RAD54B: variants seen among roughly 807,000 people sequenced by gnomAD.
RAD54B encodes DNA repair and recombination protein RAD54B.
A neutral mutation model predicts 95.8 loss-of-function variants in RAD54B; 78 were observed. The ratio of observed to expected loss-of-function variants is 0.81; its 90% CI spans 0.68 to 0.98. The LOEUF is 0.98. Ranked by LOEUF, RAD54B falls within the 50% of genes least tolerant of loss-of-function variation. The pLI, the probability that RAD54B is intolerant of heterozygous loss-of-function variation, is 0.00. For synonymous variants in RAD54B, 328 were observed against 354.9 expected (o/e 0.92, Z 0.85); for missense variants, 957 against 1,056.6 (o/e 0.91, Z 1.31).
At chr8:94,395,238 A>G (rs1811115946) in intron 8 of RAD54B, among the ~76,000 whole-genome samples, 1 of 152,156 alleles carries the variant, frequency 6.6e-6, no homozygotes, top group South Asian at 2.1e-4. Context: ...CTGGAAGCAG[A>G]GCCTAAGACA....
Position 94,399,612 on chromosome 8 carries a change from C to T in RAD54B, c.1180G>A (p.Val394Ile). The T allele has an allele frequency of 6.2e-7, 1 of 1,604,944 alleles. No individual in the cohort carries two copies. Among genetic ancestry groups the T allele is most frequent in the Non-Finnish European group, 8.5e-7 (1 of 1,177,504 alleles). The part of the protein sequence containing the change: ...KIFTVDQDHK[V>I]EEFIKSIFYS... ...AATATAGACTTGATGAATTCTTCAA[C>T]TTTGTGGTCCTGAGGAAAAAAGATA... The change falls in exon 8 of 15, where the codon GTT (valine) becomes ATT (isoleucine). Residue 394 changes from valine to isoleucine, a missense_variant. Coordinates refer to ENST00000336148, the MANE Select transcript of RAD54B (RefSeq NM_012415.3).
Position 94,420,760 on chromosome 8 carries a change from G to A in RAD54B, c.305-9445C>T, listed in dbSNP as rs559666322. Among the ~76,000 whole-genome samples, 7 of 152,064 alleles carry A rather than the reference G, an allele frequency of 4.6e-5. No homozygotes were observed. In the East Asian group the frequency reaches 5.8e-4, roughly 13 times the overall value. On this transcript the variant is annotated intron_variant, in intron 3 of 14. Coordinates refer to ENST00000336148, the MANE Select transcript of RAD54B (RefSeq NM_012415.3). ...AGCACTTTGGGAGGCTAAGGTGGGC[G>A]GATCACCTGAGGTCAGGAGTTCGAG...
At chr8:94,375,415 C>T (rs1179622651) in intron 14 of RAD54B, among the ~76,000 whole-genome samples, 1 of 152,110 alleles carries the variant, frequency 6.6e-6, no homozygotes, top group Non-Finnish European at 1.5e-5. Context: ...CTCACGAGAT[C>T]TGATGGTTTT....
Position 94,465,015 on chromosome 8 carries a change from C to T in RAD54B, c.135+2390G>A, listed in dbSNP as rs551893760. Among the ~76,000 whole-genome samples the T allele has an allele frequency of 7.9e-5, 12 of 152,212 alleles. No individual in the cohort carries two copies. In the South Asian group the frequency reaches 2.1e-3, roughly 26 times the overall value. On this transcript the variant is annotated intron_variant, in intron 2 of 14. Transcript: ENST00000336148. ...AGCACCAAGCCATTCATGAAGGATC[C>T]GCCCCTCATGACCCAAATATCTCCC...
intron 3 of RAD54B, among the ~76,000 whole-genome samples, chr8:94,412,565 G>A (rs1170922162): frequency 1.3e-5 from 2 of 151,982 alleles, no homozygotes; most frequent in African/African-American, 4.8e-5. Context: ...AGGTGGTTTA[G>A]CTGAAGACAG....
intron 3 of RAD54B, among the ~76,000 whole-genome samples, chr8:94,421,048 T>C (rs1811796181): frequency 1.3e-5 from 2 of 151,252 alleles, no homozygotes; most frequent in Non-Finnish European, 3.0e-5. Flanking sequence ...TGTTTCCACT[T>C]CAAGTATCCA....
intron 14 of RAD54B, chr8:94,373,037 C>G (rs1055749108): frequency 6.6e-6 from 1 of 151,960 alleles, no homozygotes; most frequent in African/African-American, 2.4e-5. Flanking sequence ...CTGACTTGGT[C>G]CGGAAGGTAA....
intron 3 of RAD54B, among the ~76,000 whole-genome samples, chr8:94,449,080 A>G (rs558325772): frequency 1.3e-5 from 2 of 152,022 alleles, no homozygotes; most frequent in Non-Finnish European, 2.9e-5. Flanking sequence ...ACACACATAT[A>G]TATCTCCCAT....
At chr8:94,467,668 C>T in intron 1 of RAD54B, 113 bp from the exon 2 acceptor site, 2 of 1,049,108 alleles carry the variant, frequency 1.9e-6, no homozygotes, top group Non-Finnish European at 1.3e-6. Flanking sequence ...TCTTATGGGC[C>T]TGCCTGGCCC....
chr8:94,388,155 G>A (rs1042934242), intron 10 of RAD54B, among the ~76,000 whole-genome samples: 15 of 151,996 alleles, frequency 9.9e-5, no homozygotes, highest in Non-Finnish European at 1.9e-4. Context: ...TGAACACATG[G>A]GTTTGAACTA....
chr8:94,388,395 A>T (rs1263471688), intron 10 of RAD54B, among the ~76,000 whole-genome samples: 1 of 152,206 alleles, frequency 6.6e-6, no homozygotes, highest in Non-Finnish European at 1.5e-5. Context: ...TATATAATAT[A>T]CAAAATATGT....
At chr8:94,449,292 G>T (rs1812598271) in intron 3 of RAD54B, among the ~76,000 whole-genome samples, 1 of 150,992 alleles carries the variant, frequency 6.6e-6, no homozygotes, top group South Asian at 2.1e-4. Context: ...TCCCTTGAGT[G>T]ACCCATCTAA....
At chr8:94,462,381 C>G (rs1224397315) in intron 2 of RAD54B, among the ~76,000 whole-genome samples, 1 of 152,194 alleles carries the variant, frequency 6.6e-6, no homozygotes, top group Non-Finnish European at 1.5e-5. Context: ...CTAACACCAT[C>G]ATTACTTCTA....
chr8:94,391,074 C>T (rs1161584633), intron 10 of RAD54B, among the ~76,000 whole-genome samples: 2 of 152,006 alleles, frequency 1.3e-5, no homozygotes, highest in African/African-American at 2.4e-5. Flanking sequence ...AATGCTCAAC[C>T]TGTATATAAT....
At chr8:94,404,448 C>T (rs190168709) in intron 5 of RAD54B, among the ~76,000 whole-genome samples, 29 of 152,230 alleles carry the variant, frequency 1.9e-4, no homozygotes, top group Admixed American at 1.4e-3. Flanking sequence ...CAAAGAATTA[C>T]GAAGAGCCTT....
At chr8:94,424,809 C>A (rs1438342495) in intron 3 of RAD54B, among the ~76,000 whole-genome samples, 6 of 152,128 alleles carry the variant, frequency 3.9e-5, no homozygotes, top group Non-Finnish European at 5.9e-5. Flanking sequence ...CACCTGTAAT[C>A]CCAGCACTTT....
chr8:94,422,608 AAAAAAAAAAATATATATATATAT>A (rs1563650701), intron 3 of RAD54B, among the ~76,000 whole-genome samples: 1 of 100,800 alleles, frequency 9.9e-6, no homozygotes, highest in African/African-American at 5.3e-5. Flanking sequence ...AAAAAAAAAA[AAAAAAAAAAATATATATATATAT>A]ATATATATAT....
chr8:94,466,463 A>G (rs1813027084), intron 2 of RAD54B, among the ~76,000 whole-genome samples: 1 of 151,400 alleles, frequency 6.6e-6, no homozygotes, highest in Non-Finnish European at 1.5e-5. Context: ...GCTGGAGTGC[A>G]GTGGCATGAT....
chr8:94,464,961 A>G (rs1175021310), intron 2 of RAD54B, among the ~76,000 whole-genome samples: 1 of 152,122 alleles, frequency 6.6e-6, no homozygotes, highest in Non-Finnish European at 1.5e-5. Flanking sequence ...GTGGACTCAG[A>G]GCGAAAACTC....
Sources: gnomAD v4.1 joint callset for allele counts (sites outside exome capture counted in the v4.1 genomes callset) on GRCh38, gnomAD v4.1.1 for gene constraint, MANE v1.5 for transcripts, NCBI Gene and HGNC (gene_info 2026-07-23, HGNC 2026-07-21) for gene names.